Variants in TMEM115 observed in about 807,000 individuals in gnomAD.
TMEM115 encodes transmembrane protein 115.
In TMEM115, 8 loss-of-function variants were observed where a neutral mutation model predicts 20.1. That is an observed-to-expected ratio of 0.40 (90% confidence interval 0.23 to 0.72). TMEM115 has a LOEUF of 0.72. Among genes scored for constraint, TMEM115 ranks in the 30% least tolerant of loss-of-function variants. The pLI, the probability that TMEM115 is intolerant of heterozygous loss-of-function variation, is 0.39. For missense variants in TMEM115, 374 were observed against 455.1 expected, an observed-to-expected ratio of 0.82 and a Z score of 1.62; for synonymous variants, 229 against 206.2, an observed-to-expected ratio of 1.11 and a Z score of -0.95.
rs371455547 is a variant in TMEM115, at chr3:50,358,569, G to A, written c.495C>T (p.Arg165=). ...GCAGCAGCATGGGCATCACACTGAC[G>A]CGCACCTGGGGCACTCGCAGGACCA... ...DCVVLRVPQV[R]VSVMPMLLLA... is the part of the protein sequence containing the mutation. The change falls in exon 1 of 2, where the codon CGC becomes CGT. Residue 165 remains arginine (R), a synonymous_variant. Transcript: ENST00000266025. 101 of 1,609,996 alleles carry A rather than the reference G, an allele frequency of 6.3e-5. No homozygotes were observed. The highest frequency in any genetic ancestry group is 8.3e-5 in the Non-Finnish European group (98 of 1,178,604).
In TMEM115 at chr3:50,359,271, CG is replaced by C. The variant is rs1703927131; in HGVS notation, c.-209del. On this transcript the variant is annotated 5_prime_UTR_variant, in exon 1 of 2. Transcript: ENST00000266025. ...TTGCCGGGCCGCAGCGTAGGCCCCT[CG>C]CCCGGGACCTGAGGGAAGGCCCTGG... The C allele has an allele frequency of 1.3e-6, 1 of 782,620 alleles. No homozygotes were observed. The highest frequency in any genetic ancestry group is 2.0e-6 in the Non-Finnish European group (1 of 510,754). The allele number at this position is 782,620 out of a possible 1,614,324, so 48.5% of individuals were successfully genotyped here.
chr3:50,356,853 G>T (rs1703884992), intron 1 of TMEM115, among the ~76,000 whole-genome samples: 1 of 151,806 alleles, frequency 6.6e-6, no homozygotes, highest in South Asian at 2.1e-4. Flanking sequence ...CCAAGAACCC[G>T]CCTCTTGACC....
Position 50,358,695 on chromosome 3 carries a change from A to C in TMEM115, c.369T>G (p.Ala123=). The change falls in exon 1 of 2, where the codon GCT becomes GCG. Residue 123 remains alanine (A), a synonymous_variant. Transcript: ENST00000266025. ...GAFAYLLTYM[A]SFNLVYLFTV... is the part of the protein sequence containing the mutation. ...TGAACAGGTAGACCAGGTTGAAGGA[A>C]GCCATGTAGGTGAGGAGGTAGGCGA... is the stretch of plus-strand genomic sequence containing the variant. The C allele has an allele frequency of 6.2e-7, 1 of 1,613,508 alleles. No homozygotes were observed. Among genetic ancestry groups the C allele is most frequent in the East Asian group, 2.2e-5 (1 of 44,888 alleles).
Position 50,359,159 on chromosome 3 carries a change from C to T in TMEM115, c.-96G>A, listed in dbSNP as rs1402707915. On this transcript the variant is annotated 5_prime_UTR_variant, in exon 1 of 2. Coordinates refer to ENST00000266025, the MANE Select transcript of TMEM115 (RefSeq NM_007024.5). ...CCGGCCCCGATGGGAGGCCCAGGCC[C>T]GGCCTAGTCACTGGCCTATGGCCCT... 1.5e-5 allele frequency: 22 copies of T among 1,444,652 alleles called. No homozygotes were observed. Among genetic ancestry groups the T allele is most frequent in the East Asian group, 2.5e-5 (1 of 40,216 alleles). 89.5% of individuals were successfully genotyped at this position (1,444,652 alleles called of 1,614,324 possible).
At position 50,358,779 on chromosome 3, in the gene TMEM115, G is replaced by A. The variant is rs934986398; in HGVS notation, c.285C>T (p.Ala95=). The change falls in exon 1 of 2, where the codon GCC becomes GCT. Residue 95 remains alanine (A), a synonymous_variant. Coordinates refer to ENST00000266025, the MANE Select transcript of TMEM115 (RefSeq NM_007024.5). ...AGRLLEPLWG[A]LELLIFFSVV... ...CTGAGAAGAAGATGAGCAGCTCCAA[G>A]GCCCCCCAGAGGGGCTCCAGCAAAC... 15 of 1,613,356 alleles carry A rather than the reference G, an allele frequency of 9.3e-6. No individual in the cohort carries two copies. Among genetic ancestry groups the A allele is most frequent in the Non-Finnish European group, 1.3e-5 (15 of 1,180,032 alleles).
In TMEM115 at chr3:50,358,484, A is replaced by C. The variant is rs768647352; in HGVS notation, c.580T>G (p.Tyr194Asp). 6.2e-7 allele frequency: 1 copy of C among 1,612,938 alleles called. No homozygotes were observed. Among genetic ancestry groups the C allele is most frequent in the Non-Finnish European group, 8.5e-7 (1 of 1,180,014 alleles). The change falls in exon 1 of 2, where the codon TAT becomes GAT. Residue 194 changes from tyrosine to aspartate, a missense_variant. By Grantham distance (160) the Tyr-to-Asp change is radical (BLOSUM62 -3). Transcript: ENST00000266025. ...TLLQSPALAS[Y>D]GFGLLSSWVY... ...CAACTGGAGAGCAGCCCGAAGCCAT[A>C]GGAAGCCAGCGCCGGGCTCTGGAGC...
At position 50,355,138 on chromosome 3, in the gene TMEM115, GCT is replaced by G; in HGVS notation, c.*203_*204del. 1 of 420,914 alleles carries G rather than the reference GCT, an allele frequency of 2.4e-6. No homozygotes were observed. Among genetic ancestry groups the G allele is most frequent in the Non-Finnish European group, 4.2e-6 (1 of 237,058 alleles). The allele number at this position is 420,914 out of a possible 1,614,324, so 26.1% of individuals were successfully genotyped here. On this transcript the variant is annotated 3_prime_UTR_variant, in exon 2 of 2. Coordinates refer to ENST00000266025, the MANE Select transcript of TMEM115 (RefSeq NM_007024.5). ...GCCTGGACTGGCCGATGCCTCAGAG[GCT>G]CCGGGCCTGGCATAGTGGTTGTCTG... is the stretch of plus-strand genomic sequence containing the variant.
Position 50,358,522 on chromosome 3 carries a change from C to T in TMEM115, c.542G>A (p.Arg181Gln), listed in dbSNP as rs1336514129. 7 of 1,611,906 alleles carry T rather than the reference C, an allele frequency of 4.3e-6. No individual in the cohort carries two copies. The highest frequency in any genetic ancestry group is 5.9e-6 in the Non-Finnish European group (7 of 1,179,612). Residue 181 changes from arginine to glutamine, a missense_variant, in exon 1 of 2, where the codon CGG becomes CAG. By Grantham distance (43) the Arg-to-Gln change is conservative (BLOSUM62 1). Transcript: ENST00000266025. ...MLLLALLLLL[R>Q]LATLLQSPAL... ...CGGGCTCTGGAGCAGCGTGGCGAGC[C>T]GCAGCAGGAGCAGCAGCGCCAGCAG...
chr3:50,358,031 C>A (rs112921645), intron 1 of TMEM115, 182 bp downstream of exon 1: 3 of 751,648 alleles, frequency 4.0e-6, no homozygotes, highest in African/African-American at 3.5e-5. Context: ...AAAAGTGCCT[C>A]GTGGACCCCA....
Position 50,358,508 on chromosome 3 carries a change from G to A in TMEM115, c.556C>T (p.Leu186Phe), listed in dbSNP as rs1013404152. ...TAGGAAGCCAGCGCCGGGCTCTGGAGCAGCGTGGCGAGCCGCAGCAGGAGC... is the reference window on the plus strand; with the variant it reads ...TAGGAAGCCAGCGCCGGGCTCTGGAACAGCGTGGCGAGCCGCAGCAGGAGC... ...LLLLLRLATL[L>F]QSPALASYGF... The change falls in exon 1 of 2, where the codon CTC becomes TTC. Residue 186 changes from leucine (L) to phenylalanine (F), a missense_variant. Physicochemically the swap from Leu to Phe is conservative, Grantham distance 22. Transcript: ENST00000266025. The A allele has an allele frequency of 1.9e-6, 3 of 1,611,012 alleles. No individual in the cohort carries two copies. Among genetic ancestry groups the A allele is most frequent in the African/African-American group, 1.3e-5 (1 of 74,920 alleles).
intron 1 of TMEM115, among the ~76,000 whole-genome samples, chr3:50,356,261 C>T (rs1327676825): frequency 1.3e-5 from 2 of 152,202 alleles, no homozygotes; most frequent in African/African-American, 4.8e-5. Context: ...ACAGGGTGGA[C>T]CCTTAGAGGC....
rs1703846225 is a variant in TMEM115, at chr3:50,355,093, C to T, written c.*250G>A. ...TTGCTTGGGGCTGCCAGCTGATGTA[C>T]ATTCTTACCTCAGATGAGGGCCTGG... On this transcript the variant is annotated 3_prime_UTR_variant, in exon 2 of 2. Transcript: ENST00000266025. 1 of 373,228 alleles carries T rather than the reference C, an allele frequency of 2.7e-6. No homozygotes were observed. The highest frequency in any genetic ancestry group is 6.9e-4 in the Middle Eastern group (1 of 1,444). 23.1% of individuals were successfully genotyped at this position (373,228 alleles called of 1,614,324 possible). A position where few individuals can be genotyped will look rare whatever the true frequency, so the allele number is the denominator to read the frequency against.
At chr3:50,358,055 T>C in intron 1 of TMEM115, 158 bp downstream of exon 1, 1 of 991,166 alleles carries the variant, frequency 1.0e-6, no homozygotes, top group South Asian at 1.6e-5. Context: ...ACCTAACTGC[T>C]GAGTTCCTTA....
Position 50,355,291 on chromosome 3 carries a change from G to C in TMEM115, c.*52C>G. 7.5e-7 allele frequency: 1 copy of C among 1,336,286 alleles called. No homozygotes were observed. The highest frequency in any genetic ancestry group is 1.5e-5 in the South Asian group (1 of 65,000). The allele number at this position is 1,336,286 out of a possible 1,614,324, so 82.8% of individuals were successfully genotyped here. A position where few individuals can be genotyped will look rare whatever the true frequency, so the allele number is the denominator to read the frequency against. On this transcript the variant is annotated 3_prime_UTR_variant, in exon 2 of 2. Transcript: ENST00000266025. The stretch of plus-strand genomic sequence containing the variant: ...TCAGGTGCCCTGGAGTAGCTGAGAG[G>C]ATGTCAAGGGGGGCTTGGGAGGGGA...
At position 50,358,266 on chromosome 3, in the gene TMEM115, G is replaced by A; in HGVS notation, c.798C>T (p.Ser266=). ...TVKRYDVGAP[S]SITISLPGTD... is the part of the protein sequence containing the mutation. ...TGCCTGGCAGGCTGATGGTGATGGA[G>A]GATGGGGCACCCACATCGTAGCGCT... The change falls in exon 1 of 2, where the codon TCC becomes TCT. Residue 266 remains serine, a synonymous_variant. Transcript: ENST00000266025. 3 of 1,613,842 alleles carry A rather than the reference G, an allele frequency of 1.9e-6. No individual in the cohort carries two copies. Among genetic ancestry groups the A allele is most frequent in the South Asian group, 2.2e-5 (2 of 91,084 alleles).
chr3:50,358,360 A>G lies in TMEM115; in HGVS notation c.704T>C (p.Val235Ala), dbSNP rs764115325. 24 of 1,613,786 alleles carry G rather than the reference A, an allele frequency of 1.5e-5. No homozygotes were observed. Among genetic ancestry groups the G allele is most frequent in the African/African-American group, 4.0e-5 (3 of 74,908 alleles). ...ATFFPEILQP[V>A]VGLLANLVHS... is the part of the protein sequence containing the mutation. Reference sequence around the variant, plus strand: ...CACCAAGTTCGCCAGCAAACCCACCACAGGCTGCAGGATCTCAGGGAAGAA... The same window carrying G: ...CACCAAGTTCGCCAGCAAACCCACCGCAGGCTGCAGGATCTCAGGGAAGAA... The change falls in exon 1 of 2, where the codon GTG becomes GCG. Residue 235 changes from valine (V) to alanine (A), a missense_variant. By Grantham distance (64) the Val-to-Ala change is moderately conservative. Coordinates refer to ENST00000266025, the MANE Select transcript of TMEM115 (RefSeq NM_007024.5).
Position 50,358,628 on chromosome 3 carries a change from G to A in TMEM115, c.436C>T (p.Leu146=). Residue 146 remains leucine (L), a synonymous_variant, in exon 1 of 2, where the codon CTG becomes TTG. Transcript: ENST00000266025. ...CCCATGGTTTGCTTGAGTGCCACCA[G>A]GACGCCACCTAGGAAGCCCAAGGCG... ...HGALGFLGGV[L]VALKQTMGDC... The A allele has an allele frequency of 1.2e-6, 2 of 1,612,818 alleles. No homozygotes were observed. The highest frequency in any genetic ancestry group is 1.7e-6 in the Non-Finnish European group (2 of 1,179,794).
At chr3:50,358,165 G>A (rs754920444) in intron 1 of TMEM115, 48 bp downstream of exon 1, 19 of 1,595,060 alleles carry the variant, frequency 1.2e-5, no homozygotes, top group South Asian at 3.4e-5. Context: ...CATGTGACTC[G>A]ACCAGTATGC....
Position 50,359,120 on chromosome 3 carries a change from G to A in TMEM115, c.-57C>T. ...TCTGGTAGGCCAGGGGCCTCCCCGG[G>A]GCCTCGTCCTAGTCCGGCCCCGATG... On this transcript the variant is annotated 5_prime_UTR_variant, in exon 1 of 2. Transcript: ENST00000266025. 2 of 1,500,590 alleles carry A rather than the reference G, an allele frequency of 1.3e-6. No individual in the cohort carries two copies. Among genetic ancestry groups the A allele is most frequent in the South Asian group, 2.6e-5 (2 of 76,948 alleles). The allele number at this position is 1,500,590 out of a possible 1,614,324, so 93.0% of individuals were successfully genotyped here. A position where few individuals can be genotyped will look rare whatever the true frequency, so the allele number is the denominator to read the frequency against.
Sources: allele counts gnomAD v4.1 joint callset (sites outside exome capture counted in the v4.1 genomes callset), GRCh38; gene constraint gnomAD v4.1.1; transcripts MANE v1.5; gene names NCBI Gene and HGNC (gene_info 2026-07-23, HGNC 2026-07-21).